The following MEIG1 variants were observed in gnomAD, a reference collection of about 807,000 sequenced individuals.
The protein encoded by MEIG1 is meiosis expressed gene 1 protein homolog.
MEIG1 carries 12 observed loss-of-function variants against 11.3 expected under a neutral mutation model. The ratio of observed to expected loss-of-function variants is 1.07; its 90% CI spans 0.68 to 1.73. MEIG1 has a LOEUF of 1.73. Among genes scored for constraint, MEIG1 ranks in the 40% most tolerant of loss-of-function variants. The pLI, the probability that MEIG1 is intolerant of heterozygous loss-of-function variation, is 0.00. For missense variants in MEIG1, 119 were observed against 104.9 expected, an observed-to-expected ratio of 1.13 and a Z score of -0.59; for synonymous variants, 41 against 33.2, an observed-to-expected ratio of 1.24 and a Z score of -0.81.
At chr10:14,985,507 G>A (rs1481809918) in intron 1 of MEIG1, among the ~76,000 whole-genome samples, 1 of 151,732 alleles carries the variant, frequency 6.6e-6, no homozygotes, top group African/African-American at 2.4e-5. Flanking sequence ...AATGTCACCG[G>A]GAGTGTATGT....
chr10:14,967,760 C>T (rs1292188440), intron 2 of MEIG1, among the ~76,000 whole-genome samples: 1 of 152,034 alleles, frequency 6.6e-6, no homozygotes, highest in African/African-American at 2.4e-5. Flanking sequence ...AAACTCTTGC[C>T]CATAAGGTGA....
At chr10:14,966,173 C>T (rs891574458) in intron 1 of MEIG1, among the ~76,000 whole-genome samples, 3 of 150,704 alleles carry the variant, frequency 2.0e-5, no homozygotes, top group African/African-American at 7.4e-5. Flanking sequence ...AAGCCATTCT[C>T]CTGGCTCAGC....
chr10:14,954,918 A>G (rs1842898165), upstream of MEIG1, among the ~76,000 whole-genome samples: 2 of 152,158 alleles, frequency 1.3e-5, no homozygotes, highest in Non-Finnish European at 2.9e-5. Flanking sequence ...CAAACAACCC[A>G]GAACACTTTC....
At chr10:14,956,454 G>C (rs1842954780), upstream of MEIG1, among the ~76,000 whole-genome samples, 2 of 152,122 alleles carry the variant, frequency 1.3e-5, no homozygotes, top group Non-Finnish European at 1.5e-5. Context: ...TGGAGTCAGG[G>C]GCCTGTAATC....
exon 2 of MEIG1, chr10:14,986,906 G>T (rs567932757): frequency 3.8e-4 from 213 of 554,250 alleles, no homozygotes; most frequent in African/African-American, 3.6e-3. Context: ...CAGACAAAAT[G>T]AGAGATTTCC....
chr10:14,969,814 C>T (rs773435575), intron 2 of MEIG1, among the ~76,000 whole-genome samples: 19 of 152,076 alleles, frequency 1.2e-4, no homozygotes, highest in South Asian at 8.3e-4. Context: ...CCAGCCTGGG[C>T]GACAGAGCGA....
At chr10:14,975,961 A>G (rs191539577), downstream of MEIG1, among the ~76,000 whole-genome samples, 23 of 152,258 alleles carry the variant, frequency 1.5e-4, no homozygotes, top group Admixed American at 1.2e-3. Flanking sequence ...CGTCTGTGAC[A>G]TAGTTGGTAA....
At chr10:14,958,249 A>G (rs1589200089), upstream of MEIG1, among the ~76,000 whole-genome samples, 1 of 150,200 alleles carries the variant, frequency 6.7e-6, no homozygotes, top group South Asian at 2.1e-4. Flanking sequence ...ATACAAATCT[A>G]AAGTTCAGAG....
At chr10:14,954,583 C>T (rs976253293), upstream of MEIG1, among the ~76,000 whole-genome samples, 2 of 152,126 alleles carry the variant, frequency 1.3e-5, no homozygotes, top group African/African-American at 4.8e-5. Flanking sequence ...CTATTAATTC[C>T]CTCTTCCGTT....
chr10:14,959,931 G>A lies in MEIG1; in HGVS notation c.-30+374G>A, dbSNP rs1185216036. On this transcript the variant is annotated intron_variant, in intron 1 of 2. Transcript: ENST00000407572. ...TCTCCCACACAGTTAGTGATTTATGGCAGAAAGGAAGCTGGAGGGATGGGG... is the reference window on the plus strand; with the variant it reads ...TCTCCCACACAGTTAGTGATTTATGACAGAAAGGAAGCTGGAGGGATGGGG... Among the ~76,000 whole-genome samples, 6 of 152,326 alleles carry A rather than the reference G, an allele frequency of 3.9e-5. No individual in the cohort carries two copies. The East Asian group carries it at 1.2e-3, about 29-fold the overall frequency.
downstream of MEIG1, among the ~76,000 whole-genome samples, chr10:14,977,433 C>T (rs1252250068): frequency 6.6e-6 from 1 of 151,864 alleles, no homozygotes; most frequent in Non-Finnish European, 1.5e-5. Context: ...GGGGATGTTA[C>T]TCATAAAGTT....
downstream of MEIG1, among the ~76,000 whole-genome samples, chr10:14,975,142 T>C (rs1169090634): frequency 6.6e-6 from 1 of 152,160 alleles, no homozygotes; most frequent in Admixed American, 6.5e-5. Context: ...CCTCCTCATA[T>C]TCACGGAAAA....
intron 1 of MEIG1, among the ~76,000 whole-genome samples, chr10:14,960,374 C>T (rs1842998240): frequency 6.6e-6 from 1 of 152,100 alleles, no homozygotes; most frequent in South Asian, 2.1e-4. Flanking sequence ...GCTTCTGTTC[C>T]AACTTTAGAT....
intron 1 of MEIG1, among the ~76,000 whole-genome samples, chr10:14,964,585 G>GTGTGTATATATATATA (rs1378376059): frequency 3.2e-5 from 3 of 93,036 alleles, no homozygotes; most frequent in African/African-American, 1.2e-4. Context: ...GTGTGTGTGT[G>GTGTGTATATATATATA]TATATATATA....
intron 2 of MEIG1, chr10:14,987,388 C>T: frequency 2.7e-6 from 2 of 751,030 alleles, no homozygotes; most frequent in Middle Eastern, 3.3e-4. Flanking sequence ...GTTCTGGATC[C>T]TCTGAGAGTC....
At chr10:14,962,112 A>G (rs1211672976) in intron 1 of MEIG1, among the ~76,000 whole-genome samples, 1 of 152,116 alleles carries the variant, frequency 6.6e-6, no homozygotes, top group Non-Finnish European at 1.5e-5. Context: ...CATTAAATGT[A>G]TTTTTTATCA....
rs1315047320 is a variant in MEIG1 at position 14,959,467 on chromosome 10, CA to C, written c.-118del. 6.6e-6 allele frequency: 1 copy of C among 152,650 alleles called. No homozygotes were observed. Among genetic ancestry groups the C allele is most frequent in the African/African-American group, 2.4e-5 (1 of 41,466 alleles). The allele number at this position is 152,650 out of a possible 1,614,324, so 9.5% of individuals were successfully genotyped here. On this transcript the variant is annotated 5_prime_UTR_variant, in exon 1 of 3. Transcript: ENST00000407572. ...GCTCGCGGATCCCGAGTAGAGAACG[CA>C]AGCACCCACGCCCGCCTGCAAGCTC...
At chr10:14,972,474 C>T (rs1473748056) in intron 2 of MEIG1, 39 bp from the exon 3 acceptor site, 1 of 1,612,736 alleles carries the variant, frequency 6.2e-7, no homozygotes, top group Non-Finnish European at 8.5e-7. Flanking sequence ...AAAATCAACC[C>T]TCCATTGTAA....
intron 1 of MEIG1, among the ~76,000 whole-genome samples, chr10:14,964,244 C>T (rs1014905305): frequency 6.6e-6 from 1 of 152,050 alleles, no homozygotes; most frequent in African/African-American, 2.4e-5. Flanking sequence ...GACTTAGCCT[C>T]CTAACAGTCT....
Sources: gnomAD v4.1 joint callset for allele counts (sites outside exome capture counted in the v4.1 genomes callset) on GRCh38, gnomAD v4.1.1 for gene constraint, MANE v1.5 for transcripts, NCBI Gene and HGNC (gene_info 2026-07-23, HGNC 2026-07-21) for gene names.